The following ANGPT4 variants were observed in gnomAD, a reference collection of about 807,000 sequenced individuals.
The protein encoded by ANGPT4 is angiopoietin-4.
ANGPT4 carries 50 observed loss-of-function variants against 53.0 expected under a neutral mutation model. The observed-to-expected ratio is 0.94, with a 90% confidence interval of 0.75 to 1.20. The LOEUF is 1.20. ANGPT4 is among the 50% of genes most tolerant of loss of function. The pLI, the probability that ANGPT4 is intolerant of heterozygous loss-of-function variation, is 0.00. For synonymous variants in ANGPT4, 251 were observed against 259.7 expected, an observed-to-expected ratio of 0.97 and a Z score of 0.32; for missense variants, 648 against 637.1, an observed-to-expected ratio of 1.02 and a Z score of -0.18.
rs1355581051 is a variant in ANGPT4 at position 888,403 on chromosome 20, G to A, written c.502C>T (p.Pro168Ser). The change falls in exon 3 of 9, where the codon CCA (proline) becomes TCA (serine). Residue 168 changes from proline to serine, a missense_variant. Transcript: ENST00000381922. ...NQTSRMDAQM[P>S]ETFLSTNKLE... is the part of the protein sequence containing the mutation. ...TTGTTGGTGGACAGAAAGGTCTCTG[G>A]CATCTGGGCATCCATTCTTGATGTC... 17 of 1,613,398 alleles carry A rather than the reference G, an allele frequency of 1.1e-5. No individual in the cohort carries two copies. The highest frequency in any genetic ancestry group is 1.4e-5 in the Non-Finnish European group (17 of 1,179,932).
At chr20:890,183 C>T in intron 2 of ANGPT4, 30 bp downstream of exon 2, 1 of 1,604,602 alleles carries the variant, frequency 6.2e-7, no homozygotes, top group Non-Finnish European at 8.5e-7. Flanking sequence ...GCCACAGGCC[C>T]TCAGTGCCCA....
In ANGPT4 at chr20:872,598, T is replaced by C. The variant is rs886580619; in HGVS notation, c.*362A>G. On this transcript the variant is annotated 3_prime_UTR_variant, in exon 9 of 9. Coordinates refer to ENST00000381922, the MANE Select transcript of ANGPT4 (RefSeq NM_015985.4). ...CCTGGGCCATCTGGGCAGCTTCCGATGTGCAAATACATTCCCACCTGCCTG... is the reference window on the plus strand; with the variant it reads ...CCTGGGCCATCTGGGCAGCTTCCGACGTGCAAATACATTCCCACCTGCCTG... The C allele has an allele frequency of 9.0e-5, 17 of 188,136 alleles. No individual in the cohort carries two copies. Among genetic ancestry groups the C allele is most frequent in the African/African-American group, 3.3e-4 (14 of 42,794 alleles). The allele number at this position is 188,136 out of a possible 1,614,324, so 11.7% of individuals were successfully genotyped here.
rs538984668 is a variant in ANGPT4 at position 885,201 on chromosome 20, C to G, written c.712G>C (p.Glu238Gln). The G allele has an allele frequency of 2.5e-6, 4 of 1,600,072 alleles. No homozygotes were observed. Among genetic ancestry groups the G allele is most frequent in the African/African-American group, 1.3e-5 (1 of 74,854 alleles). ...TGCCTGACACCGCGCAGGCCGCGCTCGATGTTGGTGAGGGCGGCGCTCTGG... is the reference window on the plus strand; with the variant it reads ...TGCCTGACACCGCGCAGGCCGCGCTGGATGTTGGTGAGGGCGGCGCTCTGG... ...SRQSAALTNIERGLRGVRHNS... is the reference protein window; with the variant it reads ...SRQSAALTNIQRGLRGVRHNS... The change falls in exon 4 of 9, where the codon GAG becomes CAG. Residue 238 changes from glutamate to glutamine, a missense_variant. Coordinates refer to ENST00000381922, the MANE Select transcript of ANGPT4 (RefSeq NM_015985.4).
At chr20:889,141 C>A (rs1202747057) in intron 2 of ANGPT4, among the ~76,000 whole-genome samples, 2 of 152,210 alleles carry the variant, frequency 1.3e-5, no homozygotes, top group African/African-American at 4.8e-5. Flanking sequence ...CATGGCCCTT[C>A]CTGGCCTTGC....
chr20:888,340 G>A lies in ANGPT4; in HGVS notation c.565C>T (p.Gln189Ter). ...NQLLLQRQKL[Q>*]QLQGQNSALE... ...CACCTGTTTTGGCCCTGAAGCTGCT[G>A]GAGCTTCTGCCTCTGTAGCAGCAGC... Residue 189 changes from glutamine to a stop codon, truncating the protein, a stop_gained, in exon 3 of 9, where the codon CAG becomes TAG. Transcript: ENST00000381922. LOFTEE classifies it high-confidence loss of function. 1 of 1,613,700 alleles carries A rather than the reference G, an allele frequency of 6.2e-7. No individual in the cohort carries two copies. The highest frequency in any genetic ancestry group is 8.5e-7 in the Non-Finnish European group (1 of 1,179,930).
chr20:887,893 G>A (rs568922987), intron 3 of ANGPT4, among the ~76,000 whole-genome samples: 126 of 151,832 alleles, frequency 8.3e-4, no homozygotes, highest in African/African-American at 3.0e-3. Context: ...GAAGGAGGAA[G>A]GAAGGAAGGA....
intron 1 of ANGPT4, among the ~76,000 whole-genome samples, chr20:897,774 C>A (rs1405568349): frequency 6.6e-6 from 1 of 152,168 alleles, no homozygotes; most frequent in Non-Finnish European, 1.5e-5. Context: ...CTGTGGTCAA[C>A]CTTCCACCCT....
chr20:907,805 G>T (rs1982534065), intron 1 of ANGPT4, among the ~76,000 whole-genome samples: 1 of 152,130 alleles, frequency 6.6e-6, no homozygotes, highest in African/African-American at 2.4e-5. Context: ...GGAAAATAGG[G>T]CAAAGTATGT....
intron 3 of ANGPT4, among the ~76,000 whole-genome samples, 168 bp from the exon 4 acceptor site, chr20:885,493 C>T (rs571758951): frequency 4.6e-5 from 7 of 152,278 alleles, no homozygotes; most frequent in African/African-American, 1.2e-4. Context: ...AAAAGAGATA[C>T]CCGGCCCTGG....
At chr20:874,719 A>G (rs1423068340) in intron 7 of ANGPT4, among the ~76,000 whole-genome samples, 1 of 152,066 alleles carries the variant, frequency 6.6e-6, no homozygotes, top group Admixed American at 6.5e-5. Flanking sequence ...ATACATATAC[A>G]TTTTTTTCTT....
At chr20:904,502 A>G (rs1278104937) in intron 1 of ANGPT4, among the ~76,000 whole-genome samples, 3 of 152,080 alleles carry the variant, frequency 2.0e-5, no homozygotes, top group Non-Finnish European at 4.4e-5. Context: ...CCAGGCTTTA[A>G]CATCAAAAAC....
At chr20:901,955 C>G (rs10427421) in intron 1 of ANGPT4, among the ~76,000 whole-genome samples, 4,058 of 152,218 alleles carry the variant, frequency 0.027, 181 homozygotes, top group African/African-American at 0.092. Context: ...TGAGCTACAT[C>G]AGATGCTGAT....
intron 7 of ANGPT4, among the ~76,000 whole-genome samples, chr20:877,836 G>T (rs553724414): frequency 2.6e-5 from 4 of 152,218 alleles, no homozygotes; most frequent in Admixed American, 1.3e-4. Context: ...CATAGGACAG[G>T]CTGGGCAAGT....
At chr20:904,108 A>T (rs1406405008) in intron 1 of ANGPT4, among the ~76,000 whole-genome samples, 1 of 152,228 alleles carries the variant, frequency 6.6e-6, no homozygotes, top group Non-Finnish European at 1.5e-5. Context: ...TTATTTTTCG[A>T]ATGGGTGATA....
intron 1 of ANGPT4, among the ~76,000 whole-genome samples, chr20:891,396 G>A (rs766413974): frequency 7.2e-5 from 11 of 152,306 alleles, no homozygotes; most frequent in African/African-American, 1.9e-4. Flanking sequence ...CTTTGACAGG[G>A]CTGCTCTCTT....
rs1982864193 is a variant in ANGPT4, at chr20:914,935, GCTC to G, written c.309+968_309+970del. On this transcript the variant is annotated intron_variant, in intron 1 of 8. Coordinates refer to ENST00000381922, the MANE Select transcript of ANGPT4 (RefSeq NM_015985.4). This position sits in a 1 kb window ranked among gnomAD's most constrained non-coding sequence, Gnocchi z 5.0. ...GGCCAAAACCACAGTGGCATCCTCAGCTCCTTGCTTCCTCCCACTCCGCATCCA... is the reference window on the plus strand; with the variant it reads ...GGCCAAAACCACAGTGGCATCCTCAGCTTGCTTCCTCCCACTCCGCATCCA... Among the ~76,000 whole-genome samples, 1 of 152,142 alleles carries G rather than the reference GCTC, an allele frequency of 6.6e-6. No homozygotes were observed. The highest frequency in any genetic ancestry group is 1.5e-5 in the Non-Finnish European group (1 of 68,020).
At chr20:893,821 G>A (rs1981939898) in intron 1 of ANGPT4, among the ~76,000 whole-genome samples, 1 of 152,062 alleles carries the variant, frequency 6.6e-6, no homozygotes, top group African/African-American at 2.4e-5. Flanking sequence ...TTTCTTAGCG[G>A]CCACACTCAA....
At chr20:878,440 T>A in intron 6 of ANGPT4, 113 bp from the exon 7 acceptor site, 2 of 1,076,424 alleles carry the variant, frequency 1.9e-6, no homozygotes, top group Non-Finnish European at 2.6e-6. Context: ...CCACTGTGCT[T>A]AATGATCGAG....
chr20:882,656 G>A (rs1981455012), intron 4 of ANGPT4, among the ~76,000 whole-genome samples: 1 of 152,182 alleles, frequency 6.6e-6, no homozygotes. Context: ...CAAGCATGAG[G>A]AGGCTGTTGG....
Sources: allele counts gnomAD v4.1 joint callset (sites outside exome capture counted in the v4.1 genomes callset), GRCh38; gene constraint gnomAD v4.1.1; non-coding constraint Gnocchi (gnomAD v3.1); transcripts MANE v1.5; gene names NCBI Gene and HGNC (gene_info 2026-07-23, HGNC 2026-07-21).